EPHA3: variants seen among roughly 807,000 people sequenced by gnomAD.
EPHA3 encodes EPH receptor A3.
Under a neutral mutation model 107.1 loss-of-function variants are expected in EPHA3, and 42 were observed. The ratio of observed to expected loss-of-function variants is 0.39; its 90% CI spans 0.31 to 0.51. The LOEUF (loss-of-function observed/expected upper bound fraction) is 0.51. Among genes scored for constraint, EPHA3 ranks in the 20% least tolerant of loss-of-function variants. EPHA3 has a pLI of 0.78. For missense variants in EPHA3, 1,183 were observed against 1,211.2 expected (o/e 0.98, Z 0.35); for synonymous variants, 461 against 424.8 (o/e 1.09, Z -1.05).
intron 3 of EPHA3, among the ~76,000 whole-genome samples, chr3:89,277,213 G>T (rs1320247155): frequency 3.3e-5 from 5 of 151,992 alleles, no homozygotes; most frequent in African/African-American, 1.2e-4. Context: ...TCATCTCAAT[G>T]CAAATAATAT....
chr3:89,280,702 T>C (rs1240668831), intron 3 of EPHA3, among the ~76,000 whole-genome samples: 1 of 152,174 alleles, frequency 6.6e-6, no homozygotes, highest in Non-Finnish European at 1.5e-5. Flanking sequence ...ATATCAAGGA[T>C]GTACCACCTA....
At chr3:89,437,947 T>A (rs1709706523) in intron 13 of EPHA3, among the ~76,000 whole-genome samples, 1 of 152,200 alleles carries the variant, frequency 6.6e-6, no homozygotes, top group African/African-American at 2.4e-5. Flanking sequence ...ATTTCTATTC[T>A]GAAGTTGCCT....
At chr3:89,295,439 C>T (rs893623098) in intron 3 of EPHA3, among the ~76,000 whole-genome samples, 4 of 152,200 alleles carry the variant, frequency 2.6e-5, no homozygotes, top group South Asian at 4.1e-4. Context: ...GCATCTTTCA[C>T]GAAAGATTTC....
At chr3:89,449,500 G>GA in intron 14 of EPHA3, 126 bp downstream of exon 14, 1 of 773,362 alleles carries the variant, frequency 1.3e-6, no homozygotes, top group Non-Finnish European at 1.9e-6. Context: ...TAGCAGCAAT[G>GA]AAACTGTTTC....
chr3:89,162,586 C>T (rs1428236481), intron 2 of EPHA3, among the ~76,000 whole-genome samples: 3 of 152,114 alleles, frequency 2.0e-5, no homozygotes, highest in African/African-American at 7.2e-5. Context: ...TGTAGGAAGG[C>T]ATTTTGTATG....
At chr3:89,460,137 T>A (rs1157650859) in intron 15 of EPHA3, among the ~76,000 whole-genome samples, 1 of 152,112 alleles carries the variant, frequency 6.6e-6, no homozygotes, top group Admixed American at 6.6e-5. Context: ...TTTTTATTAT[T>A]GACAATATTA....
intron 5 of EPHA3, among the ~76,000 whole-genome samples, chr3:89,353,571 G>A (rs563874194): frequency 3.3e-5 from 5 of 151,378 alleles, no homozygotes; most frequent in African/African-American, 1.2e-4. Context: ...GCTTCTTCCT[G>A]TTTTGAAATC....
intron 2 of EPHA3, among the ~76,000 whole-genome samples, chr3:89,158,179 A>C (rs532681664): frequency 4.6e-5 from 7 of 152,278 alleles, no homozygotes; most frequent in African/African-American, 1.4e-4. Context: ...TAAATTATCC[A>C]AGGTTGCACA....
In EPHA3 at chr3:89,324,410, A is replaced by T. The variant is rs189471319; in HGVS notation, c.815-16506A>T. Reference sequence around the variant, plus strand: ...GGTCTCATCCTCCTGAACTCAAGTGATCCACCTGCCTAGGCCTCCAGGCGC... The same window carrying T: ...GGTCTCATCCTCCTGAACTCAAGTGTTCCACCTGCCTAGGCCTCCAGGCGC... On this transcript the variant is annotated intron_variant, in intron 3 of 16. Coordinates refer to ENST00000336596, the MANE Select transcript of EPHA3 (RefSeq NM_005233.6). Among the ~76,000 whole-genome samples the T allele has an allele frequency of 2.2e-3, 331 of 151,970 alleles. 1 individual carries two copies. The highest frequency in any genetic ancestry group is 3.8e-3 in the Non-Finnish European group (260 of 67,958).
At chr3:89,164,340 A>C (rs1705014858) in intron 2 of EPHA3, among the ~76,000 whole-genome samples, 1 of 152,252 alleles carries the variant, frequency 6.6e-6, no homozygotes. Context: ...ATTCAAAGCC[A>C]TCCTGGGCCG....
chr3:89,336,569 C>T lies in EPHA3; in HGVS notation c.815-4347C>T, dbSNP rs570906455. The stretch of plus-strand genomic sequence containing the variant: ...ATTTTATACATTCTCCACTCATATT[C>T]TCAAATTCATTGAACAGTTTTGGTG... On this transcript the variant is annotated intron_variant, in intron 3 of 16. Transcript: ENST00000336596. Among the ~76,000 whole-genome samples, 11 of 152,244 alleles carry T rather than the reference C, an allele frequency of 7.2e-5. No individual in the cohort carries two copies. The East Asian group carries it at 2.1e-3, about 29-fold the overall frequency.
intron 3 of EPHA3, among the ~76,000 whole-genome samples, chr3:89,262,138 G>T (rs927780309): frequency 1.3e-5 from 2 of 151,988 alleles, no homozygotes; most frequent in Admixed American, 1.3e-4. Flanking sequence ...CATGGCCTAT[G>T]TAATATCAAC....
intron 15 of EPHA3, among the ~76,000 whole-genome samples, chr3:89,455,356 C>T (rs1710075566): frequency 6.6e-6 from 1 of 152,006 alleles, no homozygotes; most frequent in African/African-American, 2.4e-5. Flanking sequence ...TTAAAAAATG[C>T]AAAAGTCTTG....
intron 5 of EPHA3, among the ~76,000 whole-genome samples, chr3:89,358,869 T>C (rs2107454737): frequency 6.6e-6 from 1 of 151,382 alleles, no homozygotes; most frequent in East Asian, 1.9e-4. Flanking sequence ...TAATTGCATG[T>C]GTATTTTAAT....
intron 3 of EPHA3, among the ~76,000 whole-genome samples, chr3:89,290,233 C>T (rs1706180560): frequency 6.6e-6 from 1 of 152,094 alleles, no homozygotes; most frequent in South Asian, 2.1e-4. Context: ...TGTTCCTTTA[C>T]AAACGTATCA....
chr3:89,398,040 T>G (rs902395724), intron 6 of EPHA3, among the ~76,000 whole-genome samples: 1 of 152,248 alleles, frequency 6.6e-6, no homozygotes, highest in African/African-American at 2.4e-5. Context: ...TAAAAATTAA[T>G]TCTAAATATT....
chr3:89,283,420 CTAA>C (rs1245204341), intron 3 of EPHA3, among the ~76,000 whole-genome samples: 1 of 152,024 alleles, frequency 6.6e-6, no homozygotes, highest in Non-Finnish European at 1.5e-5. Context: ...GAGTAAACTA[CTAA>C]TAATATTATA....
At chr3:89,173,547 A>G (rs1240483235) in intron 2 of EPHA3, among the ~76,000 whole-genome samples, 2 of 152,106 alleles carry the variant, frequency 1.3e-5, no homozygotes, top group Non-Finnish European at 2.9e-5. Flanking sequence ...AACAAGTACA[A>G]TGTGTATACT....
At chr3:89,208,625 G>C (rs189828757) in intron 2 of EPHA3, among the ~76,000 whole-genome samples, 1 of 139,758 alleles carries the variant, frequency 7.2e-6, no homozygotes, top group African/African-American at 2.5e-5. Flanking sequence ...AAGGAAGGAA[G>C]GGAAGATTCC....
Sources: allele counts gnomAD v4.1 joint callset (sites outside exome capture counted in the v4.1 genomes callset), GRCh38; gene constraint gnomAD v4.1.1; transcripts MANE v1.5; gene names NCBI Gene and HGNC (gene_info 2026-07-23, HGNC 2026-07-21).